The following RPH3AL variants were observed in gnomAD, a reference collection of about 807,000 sequenced individuals.
The protein encoded by RPH3AL is rab effector Noc2.
Under a neutral mutation model 43.1 loss-of-function variants are expected in RPH3AL, and 38 were observed. The observed-to-expected ratio is 0.88, with a 90% confidence interval of 0.68 to 1.15. The LOEUF (loss-of-function observed/expected upper bound fraction) is 1.15, where lower values mean the gene tolerates loss of function less well. RPH3AL is among the 50% of genes most tolerant of loss of function. The pLI is 0.00. For synonymous variants in RPH3AL, 189 were observed against 176.3 expected, an observed-to-expected ratio of 1.07 and a Z score of -0.57; for missense variants, 462 against 423.2, an observed-to-expected ratio of 1.09 and a Z score of -0.81.
chr17:240,600 T>C (rs1334262288), intron 7 of RPH3AL, among the ~76,000 whole-genome samples: 2 of 152,212 alleles, frequency 1.3e-5, no homozygotes, highest in East Asian at 3.9e-4. Flanking sequence ...TTTTCAAGGC[T>C]CATCCAGGCT....
At chr17:280,432 G>T (rs1210171666) in intron 6 of RPH3AL, among the ~76,000 whole-genome samples, 2 of 152,192 alleles carry the variant, frequency 1.3e-5, no homozygotes, top group Non-Finnish European at 2.9e-5. Context: ...TGGGATGAGG[G>T]TCTGGGAATA....
In RPH3AL at chr17:238,347, G is replaced by C. The variant is rs1208481403; in HGVS notation, c.613+8764C>G. Among the ~76,000 whole-genome samples, 3 of 152,172 alleles carry C rather than the reference G, an allele frequency of 2.0e-5. No homozygotes were observed. The East Asian group carries it at 5.8e-4, about 29-fold the overall frequency. ...AGAGAGAAAGAGAAAAAGAGAGAGAGAGAAAAGAAAAGAAACGAAACTCCA... is the reference window on the plus strand; with the variant it reads ...AGAGAGAAAGAGAAAAAGAGAGAGACAGAAAAGAAAAGAAACGAAACTCCA... On this transcript the variant is annotated intron_variant, in intron 7 of 9. Transcript: ENST00000331302.
intron 3 of RPH3AL, among the ~76,000 whole-genome samples, chr17:321,970 C>T (rs34240043): frequency 0.024 from 3,698 of 152,258 alleles, 74 homozygotes; most frequent in Non-Finnish European, 0.039. Flanking sequence ...CTCGGAGCTC[C>T]GTAAGGTAGT....
In RPH3AL at chr17:253,396, C is replaced by G. The variant is rs76729703; in HGVS notation, c.439-6111G>C. ...AGCTGCATTCCCGCACACTGTGGGG[C>G]CGAGAACCTCATCTGTGCCAGTGAG... On this transcript the variant is annotated intron_variant, in intron 6 of 9. Transcript: ENST00000331302. 3.0e-3 allele frequency among the ~76,000 whole-genome samples: 455 copies of G among 152,296 alleles called. 3 individuals are homozygous for G. The highest frequency in any genetic ancestry group is 0.01 in the African/African-American group (428 of 41,544).
intron 6 of RPH3AL, among the ~76,000 whole-genome samples, chr17:262,466 G>A (rs942028406): frequency 5.3e-5 from 8 of 152,104 alleles, no homozygotes; most frequent in South Asian, 4.2e-4. Context: ...CACCCGCCTC[G>A]GCCTCCCAAA....
chr17:284,379 C>A (rs549924390), intron 5 of RPH3AL, among the ~76,000 whole-genome samples: 198 of 152,304 alleles, frequency 1.3e-3, no homozygotes, highest in African/African-American at 4.4e-3. Context: ...TGCCCTGGTG[C>A]CAGGCTGGTG....
At chr17:243,133 T>C (rs1468311891) in intron 7 of RPH3AL, among the ~76,000 whole-genome samples, 3 of 139,648 alleles carry the variant, frequency 2.1e-5, no homozygotes, top group African/African-American at 8.0e-5. Context: ...TTGCCCCTCC[T>C]CTACTGATTG....
rs538454339 is a variant in RPH3AL, at chr17:321,252, T to C, written c.221+20A>G. 1.6e-5 allele frequency: 26 copies of C among 1,599,466 alleles called. 1 individual carries two copies. The East Asian group carries it at 4.9e-4, about 30-fold the overall frequency. On this transcript the variant is annotated intron_variant, in intron 4 of 9. Coordinates refer to ENST00000331302, the MANE Select transcript of RPH3AL (RefSeq NM_006987.4). ...AGCCCTTGCTGTCCTCCCACTGAGC[T>C]GGCCCCGGCCCCGCCTCACCCGATT...
rs3934764 is a variant in RPH3AL, at chr17:350,768, C to G, written c.-213+1944G>C. Among the ~76,000 whole-genome samples the G allele has an allele frequency of 6.9e-3, 1,054 of 152,264 alleles. 13 individuals carry two copies. Among genetic ancestry groups the G allele is most frequent in the African/African-American group, 0.024 (981 of 41,568 alleles). ...AATGGGAATTAAAAAAACTGTGACC[C>G]TCTGACCGCAGGCCCTGATGATGGA... On this transcript the variant is annotated intron_variant, in intron 1 of 9. Transcript: ENST00000331302.
Position 215,909 on chromosome 17 carries a change from A to G in RPH3AL, c.728-107T>C. On this transcript the variant is annotated intron_variant, in intron 8 of 9. Transcript: ENST00000331302. This position sits in a 1 kb window ranked among gnomAD's most constrained non-coding sequence, Gnocchi z 4.1. Reference sequence around the variant, plus strand: ...GATCTCTATGGGATGTCTGCCCCCCACCCCACCCACATGGCTGCCAGGCTC... The same window carrying G: ...GATCTCTATGGGATGTCTGCCCCCCGCCCCACCCACATGGCTGCCAGGCTC... 1 of 1,110,424 alleles carries G rather than the reference A, an allele frequency of 9.0e-7. No homozygotes were observed. The highest frequency in any genetic ancestry group is 3.1e-5 in the East Asian group (1 of 31,992). The allele number at this position is 1,110,424 out of a possible 1,614,324, so 68.8% of individuals were successfully genotyped here. A position where few individuals can be genotyped will look rare whatever the true frequency, so the allele number is the denominator to read the frequency against.
intron 7 of RPH3AL, among the ~76,000 whole-genome samples, chr17:243,702 C>CCTTCCTCTATTGACTAT: frequency 6.9e-6 from 1 of 145,652 alleles, no homozygotes; most frequent in Non-Finnish European, 1.5e-5. Flanking sequence ...CTATTGACTA[C>CCTTCCTCTATTGACTAT]CTTCCTCTAT....
chr17:285,662 G>C (rs1426406215), intron 5 of RPH3AL, among the ~76,000 whole-genome samples: 1 of 152,176 alleles, frequency 6.6e-6, no homozygotes, highest in African/African-American at 2.4e-5. Flanking sequence ...GGCCTCACGT[G>C]GCCGGTGGCT....
At chr17:321,631 G>GGTGGCAACAGAGACGGCCCAA in intron 3 of RPH3AL, 1 of 525,220 alleles carries the variant, frequency 1.9e-6, no homozygotes, top group Non-Finnish European at 3.3e-6. Flanking sequence ...AGACGGCCCA[G>GGTGGCAACAGAGACGGCCCAA]GTTCCGTGTG....
chr17:315,532 GCTCCC>G (rs1567510521), intron 5 of RPH3AL, among the ~76,000 whole-genome samples: 14 of 149,400 alleles, frequency 9.4e-5, no homozygotes, highest in Admixed American at 1.3e-4. Flanking sequence ...TAGTCCCTGT[GCTCCC>G]ACCTCCATTG....
intron 3 of RPH3AL, 41 bp downstream of exon 3, chr17:327,426 C>G: frequency 2.6e-6 from 4 of 1,552,422 alleles, no homozygotes; most frequent in Non-Finnish European, 3.6e-6. Context: ...AGCAGGGAGG[C>G]AGAAGGAAGG....
intron 6 of RPH3AL, among the ~76,000 whole-genome samples, chr17:251,073 C>G (rs1024904792): frequency 6.6e-6 from 1 of 152,192 alleles, no homozygotes; most frequent in South Asian, 2.1e-4. Flanking sequence ...CTGGGCAGGG[C>G]ACCTCCTTAT....
chr17:326,392 A>C (rs1228948663), intron 3 of RPH3AL, among the ~76,000 whole-genome samples: 3 of 152,188 alleles, frequency 2.0e-5, no homozygotes, highest in African/African-American at 7.2e-5. Flanking sequence ...TTGCTCCCGT[A>C]ATTGGCATGG....
chr17:327,790 C>G (rs975335699), intron 2 of RPH3AL, among the ~76,000 whole-genome samples: 1 of 152,162 alleles, frequency 6.6e-6, no homozygotes, highest in Non-Finnish European at 1.5e-5. Context: ...GGAGGGTGAC[C>G]AGGTGGATCA....
intron 7 of RPH3AL, among the ~76,000 whole-genome samples, chr17:221,879 AATAG>A (rs2040991940): frequency 8.0e-6 from 1 of 125,712 alleles, no homozygotes; most frequent in African/African-American, 3.4e-5. Flanking sequence ...TCACTGAGAC[AATAG>A]ACCCAAGCAC....
Sources: allele counts gnomAD v4.1 joint callset (sites outside exome capture counted in the v4.1 genomes callset), GRCh38; gene constraint gnomAD v4.1.1; non-coding constraint Gnocchi (gnomAD v3.1); transcripts MANE v1.5; gene names NCBI Gene and HGNC (gene_info 2026-07-23, HGNC 2026-07-21).